Variants in NFYC observed in about 807,000 individuals in gnomAD.
NFYC encodes nuclear transcription factor Y subunit gamma.
In NFYC, 25 loss-of-function variants were observed where a neutral mutation model predicts 53.1. The ratio of observed to expected loss-of-function variants is 0.47; its 90% CI spans 0.34 to 0.66. The LOEUF is 0.66. Among genes scored for constraint, NFYC ranks in the 30% least tolerant of loss-of-function variants. The pLI is 0.01. For synonymous variants in NFYC, 145 were observed against 152.6 expected (o/e 0.95, Z 0.37); for missense variants, 260 against 422.7 (o/e 0.62, Z 3.38).
chr1:40,696,267 C>A (rs1043713363), intron 1 of NFYC, among the ~76,000 whole-genome samples: 6 of 151,916 alleles, frequency 3.9e-5, no homozygotes, highest in Non-Finnish European at 5.9e-5. Flanking sequence ...TCGTGATCCG[C>A]CCTCTTCGGC....
chr1:40,706,890 C>T (rs1643716800), intron 1 of NFYC, among the ~76,000 whole-genome samples: 1 of 152,106 alleles, frequency 6.6e-6, no homozygotes, highest in Admixed American at 6.6e-5. Flanking sequence ...AAATATGGGG[C>T]CGGGCGTGGT....
chr1:40,710,505 A>G (rs1479781876), intron 1 of NFYC, among the ~76,000 whole-genome samples: 1 of 152,218 alleles, frequency 6.6e-6, no homozygotes, highest in African/African-American at 2.4e-5. Context: ...GAAATCTTCA[A>G]TCCCACATAC....
chr1:40,693,958 G>A (rs1213522374), intron 1 of NFYC, among the ~76,000 whole-genome samples: 1 of 152,162 alleles, frequency 6.6e-6, no homozygotes, highest in Non-Finnish European at 1.5e-5. Flanking sequence ...ATATCCCTTG[G>A]CTTCTATTGT....
chr1:40,766,318 C>A (rs1410864229), intron 7 of NFYC: 2 of 356,848 alleles, frequency 5.6e-6, no homozygotes, highest in Admixed American at 8.7e-5. Context: ...AATGAGCATG[C>A]AGCCATGCTG....
chr1:40,747,570 A>T lies in NFYC; in HGVS notation c.142A>T (p.Ile48Phe). Residue 48 changes from isoleucine to phenylalanine, a missense_variant, in exon 3 of 10, where the codon ATT becomes TTT. Transcript: ENST00000447388. ...FRVQELPLAR[I>F]KKIMKLDEDV... The stretch of plus-strand genomic sequence containing the variant: ...AGTGCAGGAACTCCCACTGGCTCGT[A>T]TTAAGAAGATTATGAAACTGGATGA... 2 of 1,613,482 alleles carry T rather than the reference A, an allele frequency of 1.2e-6. No homozygotes were observed. Among genetic ancestry groups the T allele is most frequent in the Non-Finnish European group, 1.7e-6 (2 of 1,179,506 alleles).
intron 1 of NFYC, among the ~76,000 whole-genome samples, chr1:40,707,176 A>T (rs1195169675): frequency 6.6e-6 from 1 of 151,736 alleles, no homozygotes; most frequent in East Asian, 1.9e-4. Flanking sequence ...CCTCAAAAAA[A>T]AAAAAGAAAA....
rs575902819 is a variant in NFYC, at chr1:40,755,043, G to A, written c.387+1797G>A. The stretch of plus-strand genomic sequence containing the variant: ...AAGATAGCATTTTTAATCCTCTGTA[G>A]ACATGAAGTTTTCCCAGGCTTCAAA... On this transcript the variant is annotated intron_variant, in intron 5 of 9. Coordinates refer to ENST00000447388, the MANE Select transcript of NFYC (RefSeq NM_014223.5). 4.3e-4 allele frequency among the ~76,000 whole-genome samples: 65 copies of A among 152,284 alleles called. 3 individuals are homozygous for A. In the South Asian group the frequency reaches 0.013, roughly 31 times the overall value.
rs1482339178 is a variant in NFYC at position 40,766,592 on chromosome 1, C to T, written c.721-4C>T. 6.2e-7 allele frequency: 1 copy of T among 1,611,682 alleles called. No homozygotes were observed. Among genetic ancestry groups the T allele is most frequent in the South Asian group, 1.1e-5 (1 of 90,958 alleles). On this transcript the variant is annotated splice_polypyrimidine_tract_variant and splice_region_variant and intron_variant, in intron 7 of 9. Transcript: ENST00000447388. ...TGGTCTCTTTGTCTCTGCCCCTGCCCTAGGTGCAGCTGAATGCCGGCCAGC... is the reference window on the plus strand; with the variant it reads ...TGGTCTCTTTGTCTCTGCCCCTGCCTTAGGTGCAGCTGAATGCCGGCCAGC...
chr1:40,744,617 G>T, intron 2 of NFYC, among the ~76,000 whole-genome samples: 1 of 152,150 alleles, frequency 6.6e-6, no homozygotes, highest in East Asian at 1.9e-4. Flanking sequence ...CATTTTTAAC[G>T]TAGTTCTTTG....
intron 1 of NFYC, among the ~76,000 whole-genome samples, chr1:40,728,951 G>A (rs1211897745): frequency 6.6e-6 from 1 of 152,114 alleles, no homozygotes; most frequent in African/African-American, 2.4e-5. Context: ...ATCAGTTTTT[G>A]GATGACCAGG....
intron 5 of NFYC, among the ~76,000 whole-genome samples, chr1:40,753,851 G>A (rs1308162588): frequency 1.3e-5 from 2 of 152,168 alleles, no homozygotes; most frequent in African/African-American, 4.8e-5. Flanking sequence ...ACCACCACTT[G>A]AGCTGTTTTG....
intron 1 of NFYC, among the ~76,000 whole-genome samples, chr1:40,737,130 A>C (rs1355879145): frequency 2.3e-5 from 1 of 43,540 alleles, no homozygotes; most frequent in Non-Finnish European, 7.6e-5. Flanking sequence ...TCTGTCTCAA[A>C]AAAAAAAAAA....
chr1:40,703,326 C>CAA lies in NFYC; in HGVS notation c.-9+11467_-9+11468dup, dbSNP rs57359487. Among the ~76,000 whole-genome samples the CAA allele has an allele frequency of 1.4e-4, 21 of 147,646 alleles. 1 individual carries two copies. The highest frequency in any genetic ancestry group is 7.4e-4 in the Admixed American group (11 of 14,856). ...GCAATATGGGGAGACCCTGTCTCTA[C>CAA]AAAAAAAAATTAAAAATTAGCTGGG... On this transcript the variant is annotated intron_variant, in intron 1 of 9. Transcript: ENST00000447388.
chr1:40,753,075 T>G, intron 4 of NFYC, 76 bp from the exon 5 acceptor site: 1 of 1,080,152 alleles, frequency 9.3e-7, no homozygotes, highest in Non-Finnish European at 1.4e-6. Context: ...TCGTCTTACC[T>G]TACTTGGAGG....
At chr1:40,718,521 G>C (rs1202391527) in intron 1 of NFYC, among the ~76,000 whole-genome samples, 1 of 152,128 alleles carries the variant, frequency 6.6e-6, no homozygotes, top group Non-Finnish European at 1.5e-5. Context: ...AATCGTAAAG[G>C]GAACAAACAT....
chr1:40,770,583 CCTT>C lies in NFYC; in HGVS notation c.889-123_889-121del, dbSNP rs1557954065. On this transcript the variant is annotated intron_variant, in intron 9 of 9. Coordinates refer to ENST00000447388, the MANE Select transcript of NFYC (RefSeq NM_014223.5). The surrounding 1 kb of genome is among the most constrained non-coding windows in gnomAD (Gnocchi z 5.3). ...CCAGCAGAGCTCCACTTCCCCTCCTCCTTCTGACGCCTTGCAGTGGGTGGTGGT... is the reference window on the plus strand; with the variant it reads ...CCAGCAGAGCTCCACTTCCCCTCCTCCTGACGCCTTGCAGTGGGTGGTGGT... The C allele has an allele frequency of 3.1e-6, 5 of 1,610,828 alleles. No homozygotes were observed. Among genetic ancestry groups the C allele is most frequent in the Middle Eastern group, 1.7e-4 (1 of 6,056 alleles).
At chr1:40,759,085 A>G (rs1211611420) in intron 6 of NFYC, among the ~76,000 whole-genome samples, 1 of 152,134 alleles carries the variant, frequency 6.6e-6, no homozygotes, top group Non-Finnish European at 1.5e-5. Context: ...TAAAAGAAGT[A>G]CCTTGGCTCA....
chr1:40,745,425 T>C (rs943975466), intron 2 of NFYC, among the ~76,000 whole-genome samples: 1 of 152,200 alleles, frequency 6.6e-6, no homozygotes, highest in African/African-American at 2.4e-5. Flanking sequence ...TTCTGTGATA[T>C]GCCACACAAG....
intron 1 of NFYC, among the ~76,000 whole-genome samples, chr1:40,718,833 A>T (rs1423281889): frequency 6.6e-6 from 1 of 152,150 alleles, no homozygotes; most frequent in Admixed American, 6.5e-5. Context: ...ATAGAGATCG[A>T]TATTTTTAGA....
Sources: gnomAD v4.1 joint callset for allele counts (sites outside exome capture counted in the v4.1 genomes callset) on GRCh38, gnomAD v4.1.1 for gene constraint, Gnocchi (gnomAD v3.1) non-coding constraint, MANE v1.5 for transcripts, NCBI Gene and HGNC (gene_info 2026-07-23, HGNC 2026-07-21) for gene names.